NRG2: variants seen among roughly 807,000 people sequenced by gnomAD.
The protein encoded by NRG2 is neuregulin 2.
Under a neutral mutation model 73.9 loss-of-function variants are expected in NRG2, and 27 were observed. The observed-to-expected ratio is 0.37, with a 90% CI of 0.27 to 0.50. The LOEUF is 0.50. Ranked by LOEUF, NRG2 falls within the 20% of genes least tolerant of loss-of-function variation. The pLI, the probability that NRG2 is intolerant of heterozygous loss-of-function variation, is 0.96. For synonymous variants in NRG2, 532 were observed against 541.0 expected, an observed-to-expected ratio of 0.98 and a Z score of 0.23; for missense variants, 1,126 against 1,210.1, an observed-to-expected ratio of 0.93 and a Z score of 1.03.
At chr5:139,990,273 ATATTTTATTTTATTTTATTTTATTT>A (rs56983805) in intron 1 of NRG2, among the ~76,000 whole-genome samples, 3 of 145,840 alleles carry the variant, frequency 2.1e-5, no homozygotes, top group East Asian at 2.0e-4. Context: ...CCCACTAGCA[ATATTTTATTTTATTTTATTTTATTT>A]TATTTTATTT....
intron 1 of NRG2, among the ~76,000 whole-genome samples, chr5:139,905,043 C>T (rs2127179511): frequency 6.6e-6 from 1 of 152,264 alleles, no homozygotes; most frequent in African/African-American, 2.4e-5. Context: ...GTCTGTGGCC[C>T]AAAAGCCCCT....
At chr5:139,877,235 G>C (rs551753448) in intron 3 of NRG2, among the ~76,000 whole-genome samples, 2 of 152,338 alleles carry the variant, frequency 1.3e-5, no homozygotes, top group East Asian at 3.9e-4. Context: ...CGCCAGTTCA[G>C]GAAGGCAGGA....
chr5:139,855,401 A>G (rs1761741906), intron 6 of NRG2, among the ~76,000 whole-genome samples: 1 of 152,188 alleles, frequency 6.6e-6, no homozygotes, highest in Non-Finnish European at 1.5e-5. Flanking sequence ...GCAGAGCTGG[A>G]TTTGAACCCA....
chr5:139,912,831 C>T (rs541113339), intron 1 of NRG2, among the ~76,000 whole-genome samples: 11 of 152,190 alleles, frequency 7.2e-5, no homozygotes, highest in Non-Finnish European at 1.0e-4. Flanking sequence ...TTTCCCTTTG[C>T]GCCTCAACGT....
intron 3 of NRG2, among the ~76,000 whole-genome samples, chr5:139,878,831 C>T (rs928826546): frequency 5.9e-5 from 9 of 152,136 alleles, no homozygotes; most frequent in Non-Finnish European, 1.2e-4. Flanking sequence ...GCTCAGACAC[C>T]CTCCCTGCTG....
chr5:139,961,209 A>G lies in NRG2; in HGVS notation c.701-73698T>C, dbSNP rs564006303. Among the ~76,000 whole-genome samples, 10 of 152,172 alleles carry G rather than the reference A, an allele frequency of 6.6e-5. No homozygotes were observed. The South Asian group carries it at 1.9e-3, about 28-fold the overall frequency. On this transcript the variant is annotated intron_variant, in intron 1 of 9. Coordinates refer to ENST00000361474, the MANE Select transcript of NRG2 (RefSeq NM_004883.3). The stretch of plus-strand genomic sequence containing the variant: ...TTGATTGGGTCTGTGGTCTGAGGAG[A>G]AGGGGGAGCCCCAGCCGGTGCCCTT...
intron 1 of NRG2, among the ~76,000 whole-genome samples, chr5:139,987,992 T>C (rs1580883803): frequency 6.6e-6 from 1 of 152,198 alleles, no homozygotes; most frequent in Admixed American, 6.5e-5. Context: ...GACAGGATGG[T>C]CTTGATCTCC....
chr5:139,981,447 G>GAT (rs1756795799), intron 1 of NRG2, among the ~76,000 whole-genome samples: 1 of 152,220 alleles, frequency 6.6e-6, no homozygotes, highest in Admixed American at 6.5e-5. Flanking sequence ...TCCTTAACCC[G>GAT]CCATGCTGGC....
intron 6 of NRG2, 130 bp downstream of exon 6, chr5:139,855,546 A>G: frequency 3.9e-6 from 3 of 759,974 alleles, no homozygotes; most frequent in Non-Finnish European, 6.8e-6. Flanking sequence ...GAGGCCCCCG[A>G]GGGGTAGTTG....
intron 1 of NRG2, among the ~76,000 whole-genome samples, chr5:139,967,998 TA>T (rs894949803): frequency 2.5e-4 from 38 of 150,870 alleles, no homozygotes; most frequent in African/African-American, 9.2e-4. Context: ...AATAAATAAA[TA>T]AATAAATAAA....
At chr5:140,016,975 G>A (rs1300021131) in intron 1 of NRG2, among the ~76,000 whole-genome samples, 1 of 152,178 alleles carries the variant, frequency 6.6e-6, no homozygotes, top group African/African-American at 2.4e-5. Flanking sequence ...AAAGAGATTG[G>A]AGCAGAGTAG....
intron 1 of NRG2, among the ~76,000 whole-genome samples, chr5:140,037,907 C>CAAAAAAAAA (rs748112690): frequency 1.2e-4 from 7 of 59,006 alleles, no homozygotes; most frequent in Admixed American, 2.1e-4. Context: ...GACTCCATCT[C>CAAAAAAAAA]AAAAAAAAAA....
At chr5:139,952,808 T>C (rs1347954443) in intron 1 of NRG2, among the ~76,000 whole-genome samples, 1 of 152,056 alleles carries the variant, frequency 6.6e-6, no homozygotes, top group Non-Finnish European at 1.5e-5. Flanking sequence ...CACGTGTGTA[T>C]GTGTGCAGCT....
chr5:139,995,557 C>T (rs1012113836), intron 1 of NRG2, among the ~76,000 whole-genome samples: 1 of 152,102 alleles, frequency 6.6e-6, no homozygotes, highest in Non-Finnish European at 1.5e-5. Flanking sequence ...AGACCAGGAG[C>T]GGGCAGGCTC....
At chr5:139,941,083 G>GGGCAACT (rs1344446856) in intron 1 of NRG2, among the ~76,000 whole-genome samples, 1 of 152,178 alleles carries the variant, frequency 6.6e-6, no homozygotes, top group Non-Finnish European at 1.5e-5. Flanking sequence ...ATGTGAGATT[G>GGGCAACT]GGCAACTGCA....
chr5:139,995,696 A>T (rs914449686), intron 1 of NRG2, among the ~76,000 whole-genome samples: 1 of 152,130 alleles, frequency 6.6e-6, no homozygotes, highest in Non-Finnish European at 1.5e-5. Flanking sequence ...TACAGGTATT[A>T]TGGGGCATTC....
rs1761057930 is a variant in NRG2 at position 139,847,316 on chromosome 5, T to TG, written c.*600_*601insC. On this transcript the variant is annotated 3_prime_UTR_variant, in exon 10 of 10. Transcript: ENST00000361474. Reference sequence around the variant, plus strand: ...TTAACAGCTGTGAGTAGCCAGGGCTTCCCCATTCGGGTAGCTGTGTCTTTA... The same window carrying TG: ...TTAACAGCTGTGAGTAGCCAGGGCTTGCCCCATTCGGGTAGCTGTGTCTTTA... 2 of 151,906 alleles carry TG rather than the reference T, an allele frequency of 1.3e-5. No individual in the cohort carries two copies. Among genetic ancestry groups the TG allele is most frequent in the Non-Finnish European group, 2.9e-5 (2 of 68,054 alleles). 9.4% of individuals were successfully genotyped at this position (151,906 alleles called of 1,614,324 possible). A position where few individuals can be genotyped will look rare whatever the true frequency, so the allele number is the denominator to read the frequency against.
intron 9 of NRG2, among the ~76,000 whole-genome samples, chr5:139,850,742 G>C (rs1267334688): frequency 3.3e-5 from 5 of 152,168 alleles, no homozygotes; most frequent in African/African-American, 1.2e-4. Context: ...GCGTTTCCTG[G>C]TTCTTACTAC....
Position 139,904,278 on chromosome 5 carries a change from G to A in NRG2, c.701-16767C>T, listed in dbSNP as rs775738184. 3 of 1,579,954 alleles carry A rather than the reference G, an allele frequency of 1.9e-6. No individual in the cohort carries two copies. The highest frequency in any genetic ancestry group is 2.6e-6 in the Non-Finnish European group (3 of 1,171,792). ...GCGGCAGGTTTCTCCCAGGGAAACC[G>A]GGTTTCTGGGCGCGCGGAGGTGCCC... is the stretch of plus-strand genomic sequence containing the variant. On this transcript the variant is annotated intron_variant, in intron 1 of 9. Coordinates refer to ENST00000361474, the MANE Select transcript of NRG2 (RefSeq NM_004883.3). The surrounding 1 kb of genome is among the most constrained non-coding windows in gnomAD (Gnocchi z 6.0).
Sources: gnomAD v4.1 joint callset for allele counts (sites outside exome capture counted in the v4.1 genomes callset) on GRCh38, gnomAD v4.1.1 for gene constraint, Gnocchi (gnomAD v3.1) non-coding constraint, MANE v1.5 for transcripts, NCBI Gene and HGNC (gene_info 2026-07-23, HGNC 2026-07-21) for gene names.